The following SPHKAP variants were observed in gnomAD, a reference collection of about 807,000 sequenced individuals.
SPHKAP encodes SPHK1 interactor, AKAP domain containing.
SPHKAP carries 67 observed loss-of-function variants against 137.5 expected under a neutral mutation model. The ratio of observed to expected loss-of-function variants is 0.49; its 90% CI spans 0.40 to 0.60. The LOEUF is 0.60. Among genes scored for constraint, SPHKAP ranks in the 20% least tolerant of loss-of-function variants. The pLI is 0.00. For synonymous variants in SPHKAP, 813 were observed against 785.3 expected (o/e 1.04, Z -0.59); for missense variants, 2,097 against 2,069.3 (o/e 1.01, Z -0.26).
At chr2:228,104,416 A>C (rs1395737151) in intron 3 of SPHKAP, among the ~76,000 whole-genome samples, 1 of 145,452 alleles carries the variant, frequency 6.9e-6, no homozygotes, top group Non-Finnish European at 1.5e-5. Flanking sequence ...TTATTCAAAT[A>C]TAATATATTG....
intron 3 of SPHKAP, among the ~76,000 whole-genome samples, chr2:228,031,087 A>T (rs10188436): frequency 0.38 from 58,201 of 152,074 alleles, 11,598 homozygotes; most frequent in South Asian, 0.51. Flanking sequence ...ACTTGGGAAG[A>T]GCAAGGGGTC....
chr2:228,033,395 T>A (rs1005025280), intron 3 of SPHKAP, among the ~76,000 whole-genome samples: 1 of 152,198 alleles, frequency 6.6e-6, no homozygotes, highest in Non-Finnish European at 1.5e-5. Context: ...CTTAGTGACC[T>A]ACAAAGAAAC....
At chr2:228,161,707 CAAAATAAAAT>C (rs374926708) in intron 1 of SPHKAP, among the ~76,000 whole-genome samples, 2 of 151,112 alleles carry the variant, frequency 1.3e-5, no homozygotes, top group Non-Finnish European at 2.9e-5. Context: ...AAAAATAGAA[CAAAATAAAAT>C]AAAATAAAAT....
intron 3 of SPHKAP, among the ~76,000 whole-genome samples, chr2:228,079,447 C>A (rs912619808): frequency 1.3e-5 from 2 of 152,182 alleles, no homozygotes; most frequent in African/African-American, 4.8e-5. Context: ...CTCCAGTAGA[C>A]CCTAGTGGCA....
intron 7 of SPHKAP, among the ~76,000 whole-genome samples, chr2:227,998,462 A>G (rs1383256993): frequency 3.3e-5 from 5 of 152,208 alleles, no homozygotes; most frequent in Non-Finnish European, 7.3e-5. Context: ...TAACAGACAT[A>G]AATGACTACA....
intron 7 of SPHKAP, among the ~76,000 whole-genome samples, chr2:228,010,651 C>T (rs1034033345): frequency 2.5e-4 from 38 of 152,096 alleles, no homozygotes; most frequent in African/African-American, 8.7e-4. Context: ...GTAGGTATGC[C>T]ATTGTGGTTT....
chr2:228,040,644 GA>G (rs1405580533), intron 3 of SPHKAP, among the ~76,000 whole-genome samples: 1 of 152,030 alleles, frequency 6.6e-6, no homozygotes, highest in African/African-American at 2.4e-5. Flanking sequence ...AGCAGTTTGT[GA>G]TAAGAGATAC....
intron 1 of SPHKAP, among the ~76,000 whole-genome samples, chr2:228,160,624 A>T (rs1187572971): frequency 6.6e-6 from 1 of 152,140 alleles, no homozygotes; most frequent in African/African-American, 2.4e-5. Context: ...CCCTCCCATG[A>T]CACTTGGGGA....
At chr2:228,046,673 T>G (rs867884196) in intron 3 of SPHKAP, among the ~76,000 whole-genome samples, 16 of 152,278 alleles carry the variant, frequency 1.1e-4, no homozygotes, top group African/African-American at 3.6e-4. Context: ...TAATCTGGCT[T>G]TAGTATATTC....
rs116314387 is a variant in SPHKAP, at chr2:228,147,404, T to C, written c.33-15319A>G. Among the ~76,000 whole-genome samples, 734 of 152,324 alleles carry C rather than the reference T, an allele frequency of 4.8e-3. 6 individuals carry two copies. The highest frequency in any genetic ancestry group is 0.017 in the African/African-American group (686 of 41,574). On this transcript the variant is annotated intron_variant, in intron 1 of 11. Coordinates refer to ENST00000392056, the MANE Select transcript of SPHKAP (RefSeq NM_001142644.2). Reference sequence around the variant, plus strand: ...AATACAAGATGCATATAGTTTACAATTGCAATATTTAAAACCAGTAGAATT... The same window carrying C: ...AATACAAGATGCATATAGTTTACAACTGCAATATTTAAAACCAGTAGAATT...
In SPHKAP at chr2:228,018,953, C is replaced by T. The variant is rs754842710; in HGVS notation, c.1901G>A (p.Ser634Asn). 1 of 1,614,158 alleles carries T rather than the reference C, an allele frequency of 6.2e-7. No individual in the cohort carries two copies. The highest frequency in any genetic ancestry group is 2.2e-5 in the East Asian group (1 of 44,870). The change falls in exon 7 of 12, where the codon AGC (serine) becomes AAC (asparagine). Residue 634 changes from serine to asparagine, a missense_variant. Coordinates refer to ENST00000392056, the MANE Select transcript of SPHKAP (RefSeq NM_001142644.2). ...ALVLTRPNTY[S>N]SIGDFLDSMN... ...GGAGTCCAGAAAGTCTCCAATGCTG[C>T]TGTAGGTATTAGGCCTTGTTAAAAC...
At chr2:228,092,525 A>G (rs1559169508) in intron 3 of SPHKAP, among the ~76,000 whole-genome samples, 5 of 101,248 alleles carry the variant, frequency 4.9e-5, no homozygotes, top group South Asian at 7.0e-4. Context: ...TGCCATATAT[A>G]TGTATACATA....
intron 3 of SPHKAP, among the ~76,000 whole-genome samples, chr2:228,034,009 A>C (rs1695466082): frequency 6.6e-6 from 1 of 152,240 alleles, no homozygotes; most frequent in Non-Finnish European, 1.5e-5. Context: ...AACTAGCAGA[A>C]GGCAAGAAAT....
chr2:228,134,179 G>A (rs72967050), intron 1 of SPHKAP, among the ~76,000 whole-genome samples: 49,338 of 145,838 alleles, frequency 0.34, 8,567 homozygotes, highest in East Asian at 0.5. Flanking sequence ...AGGGAGGGAG[G>A]AAGACAGAAG....
Position 228,018,511 on chromosome 2 carries a change from A to T in SPHKAP, c.2343T>A (p.Ser781Arg). The T allele has an allele frequency of 6.2e-7, 1 of 1,613,976 alleles. No homozygotes were observed. The highest frequency in any genetic ancestry group is 8.5e-7 in the Non-Finnish European group (1 of 1,179,978). ...CATCCACAAGATTGTTGATGACAAG[A>T]CTCGTGTTGTGTGAATTGCTAAGTG... ...SSPLSNSHNT[S>R]LVINNLVDGM... The change falls in exon 7 of 12, where the codon AGT (serine) becomes AGA (arginine). Residue 781 changes from serine (S) to arginine (R), a missense_variant. Coordinates refer to ENST00000392056, the MANE Select transcript of SPHKAP (RefSeq NM_001142644.2).
chr2:228,155,590 A>G (rs1047387179), intron 1 of SPHKAP, among the ~76,000 whole-genome samples: 1 of 152,194 alleles, frequency 6.6e-6, no homozygotes, highest in Non-Finnish European at 1.5e-5. Context: ...GGCTGAGCAG[A>G]TGAGGAGTTT....
At chr2:228,010,289 G>A (rs945645977) in intron 7 of SPHKAP, among the ~76,000 whole-genome samples, 1 of 152,202 alleles carries the variant, frequency 6.6e-6, no homozygotes, top group Non-Finnish European at 1.5e-5. Context: ...CATTTTGGGA[G>A]GCAGAGGCAG....
intron 1 of SPHKAP, among the ~76,000 whole-genome samples, chr2:228,147,004 G>T: frequency 6.6e-6 from 1 of 152,294 alleles, no homozygotes; most frequent in Non-Finnish European, 1.5e-5. Flanking sequence ...ATTTTAGATT[G>T]AAGGAAGGGG....
At chr2:228,065,737 G>A (rs1574816838) in intron 3 of SPHKAP, among the ~76,000 whole-genome samples, 1 of 152,150 alleles carries the variant, frequency 6.6e-6, no homozygotes, top group East Asian at 1.9e-4. Context: ...ATGGAAGAAT[G>A]GCAGGGTCAT....
Sources: gnomAD v4.1 joint callset for allele counts (sites outside exome capture counted in the v4.1 genomes callset) on GRCh38, gnomAD v4.1.1 for gene constraint, MANE v1.5 for transcripts, NCBI Gene and HGNC (gene_info 2026-07-23, HGNC 2026-07-21) for gene names.